The following DCAF5 variants were observed in gnomAD, a reference collection of about 807,000 sequenced individuals.
DCAF5 encodes the protein DDB1- and CUL4-associated factor 5.
In DCAF5, 9 loss-of-function variants were observed where a neutral mutation model predicts 80.7. The ratio of observed to expected loss-of-function variants is 0.11; its 90% confidence interval spans 0.07 to 0.19. DCAF5 has a LOEUF of 0.19. DCAF5 is among the 10% of genes least tolerant of loss of function. The pLI is 1.00. For synonymous variants in DCAF5, 433 were observed against 461.9 expected, an observed-to-expected ratio of 0.94 and a Z score of 0.80; for missense variants, 842 against 1,205.7, an observed-to-expected ratio of 0.70 and a Z score of 4.47.
In DCAF5 at chr14:69,057,874, G is replaced by A. The variant is rs3742898; in HGVS notation, c.1075-2263C>T. ...GTACAGCACTTCAGCAGTAAGGGGA[G>A]CAGGTAGGAACCCCAGACCTGTCAT... On this transcript the variant is annotated intron_variant, in intron 8 of 8. Transcript: ENST00000341516. Among the ~76,000 whole-genome samples, 237 of 152,300 alleles carry A rather than the reference G, an allele frequency of 1.6e-3. 6 individuals are homozygous for A. In the East Asian group the frequency reaches 0.042, roughly 27 times the overall value.
intron 5 of DCAF5, among the ~76,000 whole-genome samples, chr14:69,102,520 T>C (rs1232626827): frequency 6.6e-6 from 1 of 151,812 alleles, no homozygotes; most frequent in Non-Finnish European, 1.5e-5. Flanking sequence ...ACAAAAGCAC[T>C]TTCCTTCTTT....
chr14:69,112,797 A>C (rs1019028157), intron 5 of DCAF5, among the ~76,000 whole-genome samples: 2 of 152,194 alleles, frequency 1.3e-5, no homozygotes, highest in Non-Finnish European at 2.9e-5. Context: ...ATTATTTATT[A>C]TTATGAGACA....
intron 1 of DCAF5, among the ~76,000 whole-genome samples, chr14:69,139,241 C>T (rs1346791255): frequency 6.6e-6 from 1 of 151,874 alleles, no homozygotes; most frequent in East Asian, 1.9e-4. Context: ...AATCCCAACA[C>T]TTTGGGAGGC....
intron 7 of DCAF5, among the ~76,000 whole-genome samples, chr14:69,067,641 A>G (rs1316427240): frequency 1.3e-5 from 2 of 150,248 alleles, no homozygotes; most frequent in Non-Finnish European, 3.0e-5. Context: ...CACCTAATCC[A>G]GCCCAGATAT....
chr14:69,057,841 GAC>G (rs1280285685), intron 8 of DCAF5, among the ~76,000 whole-genome samples: 1 of 152,108 alleles, frequency 6.6e-6, no homozygotes, highest in Non-Finnish European at 1.5e-5. Flanking sequence ...CTTCACTCCA[GAC>G]ACACAGTACA....
intron 5 of DCAF5, among the ~76,000 whole-genome samples, chr14:69,109,350 A>G (rs2040273742): frequency 6.6e-6 from 1 of 152,068 alleles, no homozygotes; most frequent in African/African-American, 2.4e-5. Context: ...AAAAAAAAAA[A>G]AAAGATACAA....
intron 1 of DCAF5, among the ~76,000 whole-genome samples, chr14:69,131,909 A>G (rs765899313): frequency 1.3e-5 from 2 of 152,050 alleles, no homozygotes; most frequent in Non-Finnish European, 2.9e-5. Context: ...TTCTCCCCCT[A>G]GACACCATTC....
At chr14:69,123,481 G>A (rs2040786785) in intron 1 of DCAF5, among the ~76,000 whole-genome samples, 2 of 152,146 alleles carry the variant, frequency 1.3e-5, no homozygotes, top group Non-Finnish European at 2.9e-5. Flanking sequence ...ACTATAACTG[G>A]TAGGCTGGTG....
chr14:69,091,455 G>A (rs1260017678), intron 6 of DCAF5, among the ~76,000 whole-genome samples: 2 of 152,002 alleles, frequency 1.3e-5, no homozygotes, highest in African/African-American at 4.8e-5. Context: ...GAACCATATC[G>A]TGGCCAGCCT....
rs1296168473 is a variant in DCAF5, at chr14:69,118,868, G to A, written c.395+326C>T. Among the ~76,000 whole-genome samples the A allele has an allele frequency of 1.3e-5, 2 of 152,136 alleles. No homozygotes were observed. Among genetic ancestry groups the A allele is most frequent in the Non-Finnish European group, 2.9e-5 (2 of 68,026 alleles). On this transcript the variant is annotated intron_variant, in intron 3 of 8. Coordinates refer to ENST00000341516, the MANE Select transcript of DCAF5 (RefSeq NM_003861.3). This position sits in a 1 kb window ranked among gnomAD's most constrained non-coding sequence, Gnocchi z 4.0. Reference sequence around the variant, plus strand: ...GAATATGTACAAAGCATTTACAATGGTGTCTGGCACATAGTAAGAACTCAA... The same window carrying A: ...GAATATGTACAAAGCATTTACAATGATGTCTGGCACATAGTAAGAACTCAA...
intron 1 of DCAF5, among the ~76,000 whole-genome samples, chr14:69,146,243 G>A (rs1191331805): frequency 6.6e-6 from 1 of 152,066 alleles, no homozygotes; most frequent in Non-Finnish European, 1.5e-5. Context: ...CTGAGCACAA[G>A]GACAACTTTT....
intron 8 of DCAF5, among the ~76,000 whole-genome samples, chr14:69,059,899 T>TCA (rs1566720488): frequency 6.6e-6 from 1 of 152,186 alleles, no homozygotes; most frequent in Non-Finnish European, 1.5e-5. Flanking sequence ...CTGGATAACC[T>TCA]CACAGATAAA....
intron 2 of DCAF5, among the ~76,000 whole-genome samples, chr14:69,119,561 A>T (rs1319204393): frequency 6.6e-6 from 1 of 151,886 alleles, no homozygotes; most frequent in Non-Finnish European, 1.5e-5. Context: ...AAATAAAAAT[A>T]AAAAAATTAG....
At chr14:69,127,748 A>G (rs1005999063) in intron 1 of DCAF5, among the ~76,000 whole-genome samples, 6 of 152,188 alleles carry the variant, frequency 3.9e-5, no homozygotes, top group African/African-American at 1.4e-4. Context: ...TGTGGGAATA[A>G]GGGGTACATG....
In DCAF5 at chr14:69,054,417, C is replaced by T; in HGVS notation, c.2269G>A (p.Val757Met). 6.2e-7 allele frequency: 1 copy of T among 1,614,092 alleles called. No homozygotes were observed. The change falls in exon 9 of 9, where the codon GTG becomes ATG. Residue 757 changes from valine to methionine, a missense_variant. Val to Met is a conservative substitution (Grantham distance 21, BLOSUM62 1). Around this residue, in one of 5 missense-constraint regions of DCAF5, gnomAD observed 607 missense variants for 656.6 expected, o/e 0.92. Transcript: ENST00000341516. ...HEHSSHAWAE[V>M]PEGTSQDTGN... ...GTGTCCTGAGAGGTACCCTCTGGCA[C>T]CTCTGCCCAAGCATGGCTGCTGTGC... is the stretch of plus-strand genomic sequence containing the variant.
At chr14:69,074,677 A>G (rs2038832455) in intron 7 of DCAF5, among the ~76,000 whole-genome samples, 1 of 152,230 alleles carries the variant, frequency 6.6e-6, no homozygotes, top group South Asian at 2.1e-4. Context: ...CTGTTTGTAG[A>G]ATAATAAGCA....
At position 69,152,435 on chromosome 14, in the gene DCAF5, G is replaced by A. The variant is rs2140138892; in HGVS notation, c.214+330C>T. The stretch of plus-strand genomic sequence containing the variant: ...GCACCTTTTAAAGTACGCGGAGGAA[G>A]AGTTTGCCGTCAAACTTTGTAGAGC... On this transcript the variant is annotated intron_variant, in intron 1 of 8. Coordinates refer to ENST00000341516, the MANE Select transcript of DCAF5 (RefSeq NM_003861.3). The surrounding 1 kb of genome is among the most constrained non-coding windows in gnomAD (Gnocchi z 4.1). 1 of 249,294 alleles carries A rather than the reference G, an allele frequency of 4.0e-6. No homozygotes were observed. The highest frequency in any genetic ancestry group is 6.8e-5 in the South Asian group (1 of 14,690). The allele number at this position is 249,294 out of a possible 1,614,324, so 15.4% of individuals were successfully genotyped here. A position where few individuals can be genotyped will look rare whatever the true frequency, so the allele number is the denominator to read the frequency against.
chr14:69,089,749 C>T, intron 6 of DCAF5: 1 of 196,746 alleles, frequency 5.1e-6, no homozygotes, highest in Non-Finnish European at 9.2e-6. Context: ...GGGCAATTTT[C>T]CCCCCAGGGG....
intron 5 of DCAF5, among the ~76,000 whole-genome samples, chr14:69,092,900 TA>T (rs1383049531): frequency 9.2e-5 from 14 of 152,240 alleles, no homozygotes; most frequent in Non-Finnish European, 1.8e-4. Flanking sequence ...CTAGTTTCAC[TA>T]AAGAGTACTA....
Sources: gnomAD v4.1 joint callset for allele counts (sites outside exome capture counted in the v4.1 genomes callset) on GRCh38, gnomAD v4.1.1 for gene constraint, gnomAD v4.1.1 regional missense constraint, Gnocchi (gnomAD v3.1) non-coding constraint, MANE v1.5 for transcripts, NCBI Gene and HGNC (gene_info 2026-07-23, HGNC 2026-07-21) for gene names.